The following CTDP1 variants were observed in gnomAD, a reference collection of about 807,000 sequenced individuals.
CTDP1 encodes the protein RNA polymerase II subunit A C-terminal domain phosphatase.
CTDP1 carries 47 observed loss-of-function variants against 91.8 expected under a neutral mutation model. The observed-to-expected ratio is 0.51, with a 90% CI of 0.41 to 0.65. CTDP1 has a LOEUF of 0.65. Ranked by LOEUF, CTDP1 falls within the 30% of genes least tolerant of loss-of-function variation. The probability of loss-of-function intolerance (pLI) is 0.00; values close to 1 mark genes in which losing one functional copy is unlikely to be tolerated. For missense variants in CTDP1, 1,272 were observed against 1,373.7 expected, an observed-to-expected ratio of 0.93 and a Z score of 1.17; for synonymous variants, 656 against 598.5, an observed-to-expected ratio of 1.10 and a Z score of -1.40.
At chr18:79,694,926 A>G (rs1568178839) in intron 1 of CTDP1, among the ~76,000 whole-genome samples, 1 of 152,226 alleles carries the variant, frequency 6.6e-6, no homozygotes, top group East Asian at 1.9e-4. Flanking sequence ...ACTTTATGTT[A>G]TCCCCAAGTC....
Position 79,690,761 on chromosome 18 carries a change from C to G in CTDP1, c.315-4464C>G, listed in dbSNP as rs137868897. On this transcript the variant is annotated intron_variant, in intron 1 of 12. Transcript: ENST00000613122. The stretch of plus-strand genomic sequence containing the variant: ...GGTTGCTGAGCAGCTTCCCTGCCTC[C>G]AGGTGTGATATCCAGGAGTGTCTCC... Among the ~76,000 whole-genome samples the G allele has an allele frequency of 6.9e-3, 1,058 of 152,324 alleles. 11 individuals are homozygous for G. Among genetic ancestry groups the G allele is most frequent in the African/African-American group, 0.022 (933 of 41,572 alleles).
At chr18:79,707,938 T>C (rs997161358) in intron 5 of CTDP1, among the ~76,000 whole-genome samples, 7 of 152,244 alleles carry the variant, frequency 4.6e-5, no homozygotes, top group African/African-American at 1.7e-4. Flanking sequence ...ATGCGTGTCT[T>C]TTATCTGATA....
At chr18:79,756,105 G>A (rs577389263), downstream of CTDP1, 116 of 152,696 alleles carry the variant, frequency 7.6e-4, 1 homozygote, top group Non-Finnish European at 8.8e-4. Context: ...ACCCCCAGCC[G>A]CATCTCTGCA....
intron 11 of CTDP1, among the ~76,000 whole-genome samples, chr18:79,733,203 CT>C (rs2086599675): frequency 1.3e-5 from 2 of 152,066 alleles, no homozygotes; most frequent in African/African-American, 4.8e-5. Context: ...TGTGTGGATC[CT>C]CACGCTGCGG....
Position 79,694,164 on chromosome 18 carries a change from TGTG to T in CTDP1, c.315-1060_315-1058del, listed in dbSNP as rs1209434607. ...CCGGCTGGGACGGGAGTGTGGGGGC[TGTG>T]AGCACCTAGGGGCGGGTGCTGAGTG... is the stretch of plus-strand genomic sequence containing the variant. On this transcript the variant is annotated intron_variant, in intron 1 of 12. Coordinates refer to ENST00000613122, the MANE Select transcript of CTDP1 (RefSeq NM_004715.5). Among the ~76,000 whole-genome samples the T allele has an allele frequency of 7.1e-3, 1,064 of 150,156 alleles. 12 individuals carry two copies. Among genetic ancestry groups the T allele is most frequent in the African/African-American group, 0.024 (963 of 40,106 alleles).
chr18:79,742,784 C>A lies in CTDP1; in HGVS notation c.2747+6263C>A, dbSNP rs373768812. On this transcript the variant is annotated intron_variant, in intron 12 of 12. Coordinates refer to ENST00000613122, the MANE Select transcript of CTDP1 (RefSeq NM_004715.5). The stretch of plus-strand genomic sequence containing the variant: ...ACCAACCTGGCCAACATGGTGAAAC[C>A]CTGTCTCTACTGAAAATACAAAAAT... 1.2e-4 allele frequency among the ~76,000 whole-genome samples: 19 copies of A among 152,212 alleles called. No homozygotes were observed. In the East Asian group the frequency reaches 2.7e-3, roughly 22 times the overall value.
At chr18:79,729,375 G>A (rs991553727) in intron 11 of CTDP1, among the ~76,000 whole-genome samples, 3 of 152,168 alleles carry the variant, frequency 2.0e-5, no homozygotes, top group African/African-American at 4.8e-5. Flanking sequence ...CGGCTCTCCC[G>A]GCTCACCCCA....
intron 12 of CTDP1, among the ~76,000 whole-genome samples, chr18:79,741,407 C>T (rs530788457): frequency 2.0e-5 from 3 of 152,314 alleles, no homozygotes; most frequent in South Asian, 4.1e-4. Context: ...GAAGTGAAAA[C>T]GACATTGAGT....
chr18:79,715,263 C>G lies in CTDP1; in HGVS notation c.1803C>G (p.His601Gln). 6.2e-7 allele frequency: 1 copy of G among 1,610,660 alleles called. No homozygotes were observed. The highest frequency in any genetic ancestry group is 8.5e-7 in the Non-Finnish European group (1 of 1,178,574). ...IYLEEILVRV[H>Q]TDYYAKYDRY... ...TGGAGGAGATCCTGGTCCGTGTACACACTGACTACTATGCCAAGTATGACC... is the reference window on the plus strand; with the variant it reads ...TGGAGGAGATCCTGGTCCGTGTACAGACTGACTACTATGCCAAGTATGACC... Residue 601 changes from histidine to glutamine, a missense_variant, in exon 8 of 13, where the codon CAC (histidine) becomes CAG (glutamine). Transcript: ENST00000613122.
rs931467430 is a variant in CTDP1 at position 79,740,190 on chromosome 18, A to G, written c.2747+3669A>G. 1.3e-5 allele frequency among the ~76,000 whole-genome samples: 2 copies of G among 148,642 alleles called. 1 individual carries two copies. Among genetic ancestry groups the G allele is most frequent in the African/African-American group, 5.0e-5 (2 of 40,170 alleles). The stretch of plus-strand genomic sequence containing the variant: ...CGGGACGGGTGGGACTCTCATACCC[A>G]CGGCCGGGACGGGTGGGACTCGGCG... On this transcript the variant is annotated intron_variant, in intron 12 of 12. Transcript: ENST00000613122.
intron 10 of CTDP1, among the ~76,000 whole-genome samples, chr18:79,728,688 A>G (rs2086501056): frequency 6.6e-6 from 1 of 152,228 alleles, no homozygotes; most frequent in African/African-American, 2.4e-5. Flanking sequence ...TCCACAGGAT[A>G]GTCAGAAACG....
chr18:79,727,468 A>AGC (rs1388476172), intron 10 of CTDP1, among the ~76,000 whole-genome samples: 1 of 151,040 alleles, frequency 6.6e-6, no homozygotes, highest in East Asian at 2.0e-4. Context: ...TGGGATGGGA[A>AGC]GCGCGGCTTT....
chr18:79,751,347 CAGGAGGGA>C (rs148923367), intron 12 of CTDP1, among the ~76,000 whole-genome samples: 17,883 of 150,072 alleles, frequency 0.12, 1,489 homozygotes, highest in Non-Finnish European at 0.19. Context: ...GAGGCAGGTC[CAGGAGGGA>C]AGGAGGGAGC....
chr18:79,713,845 C>T lies in CTDP1; in HGVS notation c.1031-646C>T, dbSNP rs575638356. On this transcript the variant is annotated intron_variant, in intron 7 of 12. Coordinates refer to ENST00000613122, the MANE Select transcript of CTDP1 (RefSeq NM_004715.5). The surrounding 1 kb of genome is among the most constrained non-coding windows in gnomAD (Gnocchi z 4.7). ...GTGGCCATGGTGGTGCCAGGTCATC[C>T]GGGGCTTACAGTCACGGTGGCGCCA... 3.1e-4 allele frequency among the ~76,000 whole-genome samples: 46 copies of T among 147,374 alleles called. 3 individuals carry two copies. In the South Asian group the frequency reaches 9.5e-3, roughly 30 times the overall value.
intron 4 of CTDP1, among the ~76,000 whole-genome samples, chr18:79,700,827 ACT>A (rs916867489): frequency 3.6e-4 from 55 of 152,200 alleles, no homozygotes; most frequent in Non-Finnish European, 7.2e-4. Flanking sequence ...GGACAGGCTG[ACT>A]CTCTCGTTGG....
intron 4 of CTDP1, among the ~76,000 whole-genome samples, chr18:79,698,622 C>T (rs1322676328): frequency 6.6e-6 from 1 of 152,202 alleles, no homozygotes. Context: ...GAGGCTTGCG[C>T]AGAGGCTTGT....
intron 10 of CTDP1, among the ~76,000 whole-genome samples, chr18:79,719,046 C>A (rs900526934): frequency 7.2e-5 from 11 of 152,198 alleles, no homozygotes; most frequent in Admixed American, 7.2e-4. Context: ...CAGGGCGTGG[C>A]CTTCGCACAG....
intron 1 of CTDP1, 56 bp downstream of exon 1, chr18:79,680,317 G>A: frequency 8.2e-7 from 1 of 1,221,552 alleles, no homozygotes; most frequent in Non-Finnish European, 1.0e-6. Flanking sequence ...GAGGGATCCT[G>A]GAGGACCCCC....
intron 12 of CTDP1, among the ~76,000 whole-genome samples, chr18:79,746,729 G>A (rs903906186): frequency 6.6e-6 from 1 of 152,162 alleles, no homozygotes; most frequent in East Asian, 1.9e-4. Flanking sequence ...GGATCGTCCC[G>A]CCTCAACCTT....
Sources: gnomAD v4.1 joint callset for allele counts (sites outside exome capture counted in the v4.1 genomes callset) on GRCh38, gnomAD v4.1.1 for gene constraint, Gnocchi (gnomAD v3.1) non-coding constraint, MANE v1.5 for transcripts, NCBI Gene and HGNC (gene_info 2026-07-23, HGNC 2026-07-21) for gene names.